The following CCNY variants were observed in gnomAD, a reference collection of about 807,000 sequenced individuals.
CCNY encodes the protein cyclin Y, also known as cyclin-Y.
Under a neutral mutation model 42.8 loss-of-function variants are expected in CCNY, and 19 were observed. The observed-to-expected ratio is 0.44, with a 90% CI of 0.31 to 0.65. CCNY has a LOEUF of 0.65. Among genes scored for constraint, CCNY ranks in the 30% least tolerant of loss-of-function variants. The pLI is 0.07. For synonymous variants in CCNY, 165 were observed against 162.7 expected (o/e 1.01, Z -0.11); for missense variants, 370 against 437.3 (o/e 0.85, Z 1.37).
chr10:35,403,902 G>A (rs1043765187), intron 1 of CCNY, among the ~76,000 whole-genome samples: 3 of 152,258 alleles, frequency 2.0e-5, no homozygotes, highest in African/African-American at 7.2e-5. Context: ...TGTGATCAGG[G>A]TGAGGAACAG....
At chr10:35,424,643 G>A (rs1838228012) in intron 1 of CCNY, among the ~76,000 whole-genome samples, 1 of 152,232 alleles carries the variant, frequency 6.6e-6, no homozygotes, top group African/African-American at 2.4e-5. Flanking sequence ...AGGGAGGCAT[G>A]TCTGATACTA....
intron 2 of CCNY, among the ~76,000 whole-genome samples, chr10:35,486,440 C>G (rs572544386): frequency 6.6e-6 from 1 of 152,180 alleles, no homozygotes; most frequent in African/African-American, 2.4e-5. Context: ...CCACTATTTC[C>G]TATTGCAGTT....
intron 3 of CCNY, among the ~76,000 whole-genome samples, chr10:35,308,018 T>C (rs1253815437): frequency 1.3e-5 from 2 of 151,688 alleles, no homozygotes; most frequent in Non-Finnish European, 2.9e-5. Flanking sequence ...GGTTTCACGA[T>C]GTTGGGCAGG....
At chr10:35,347,142 G>A (rs1836323880) in intron 1 of CCNY, among the ~76,000 whole-genome samples, 1 of 152,252 alleles carries the variant, frequency 6.6e-6, no homozygotes. Context: ...TTGGGGATGT[G>A]TAGTGGGGCT....
At chr10:35,377,890 G>A (rs570580620) in intron 1 of CCNY, among the ~76,000 whole-genome samples, 1 of 152,298 alleles carries the variant, frequency 6.6e-6, no homozygotes, top group East Asian at 1.9e-4. Flanking sequence ...AACATCATAT[G>A]TGCTTCTGTG....
intron 1 of CCNY, among the ~76,000 whole-genome samples, chr10:35,402,856 A>G (rs374796606): frequency 1.3e-5 from 2 of 152,186 alleles, no homozygotes; most frequent in East Asian, 3.9e-4. Context: ...AGCCTGAGAA[A>G]CTGCTTGGGT....
intron 1 of CCNY, among the ~76,000 whole-genome samples, chr10:35,418,569 A>G (rs1838077233): frequency 6.6e-6 from 1 of 152,170 alleles, no homozygotes; most frequent in Non-Finnish European, 1.5e-5. Context: ...GTGGTGCCCC[A>G]TAACAATGAT....
intron 7 of CCNY, among the ~76,000 whole-genome samples, chr10:35,546,853 A>C (rs1214945578): frequency 6.6e-6 from 1 of 152,230 alleles, no homozygotes; most frequent in African/African-American, 2.4e-5. Context: ...AAGAAAACAT[A>C]GTCAGCTTTT....
At chr10:35,321,765 T>C (rs1363937419) in intron 3 of CCNY, among the ~76,000 whole-genome samples, 2 of 152,164 alleles carry the variant, frequency 1.3e-5, no homozygotes, top group Non-Finnish European at 2.9e-5. Flanking sequence ...AAAAAATTTT[T>C]GAAAAAGAAC....
rs775924217 is a variant in CCNY, at chr10:35,530,065, A to G, written c.459+35A>G. On this transcript the variant is annotated intron_variant, in intron 6 of 9. Coordinates refer to ENST00000374704, the MANE Select transcript of CCNY (RefSeq NM_145012.6). The surrounding 1 kb of genome is among the most constrained non-coding windows in gnomAD (Gnocchi z 4.3). The stretch of plus-strand genomic sequence containing the variant: ...TCCGTGTGTTTCATGAGATGATTTA[A>G]TTATTTCTCTTTTGCTCCAATCGGG... 2 of 1,613,968 alleles carry G rather than the reference A, an allele frequency of 1.2e-6. No individual in the cohort carries two copies. The highest frequency in any genetic ancestry group is 1.7e-6 in the Non-Finnish European group (2 of 1,179,968).
intron 1 of CCNY, among the ~76,000 whole-genome samples, chr10:35,418,236 G>A (rs1838069132): frequency 1.3e-5 from 2 of 152,152 alleles, no homozygotes; most frequent in Non-Finnish European, 2.9e-5. Context: ...GACCTGGATG[G>A]AGAGTTTAGT....
At position 35,511,763 on chromosome 10, in the gene CCNY, A is replaced by G. The variant is rs576456057; in HGVS notation, c.265-4760A>G. Among the ~76,000 whole-genome samples the G allele has an allele frequency of 6.8e-4, 103 of 152,352 alleles. 1 individual carries two copies. The South Asian group carries it at 8.1e-3, about 12-fold the overall frequency. On this transcript the variant is annotated intron_variant, in intron 3 of 9. Coordinates refer to ENST00000374704, the MANE Select transcript of CCNY (RefSeq NM_145012.6). ...CACTGTGGGTTCATCTTTGATGGCC[A>G]TTAAATAAAAGTGGCCGTTGTTCCT...
At chr10:35,444,249 CTTTTT>C (rs1323493317) in intron 1 of CCNY, among the ~76,000 whole-genome samples, 1 of 136,580 alleles carries the variant, frequency 7.3e-6, no homozygotes. Context: ...TGTTTTTTGG[CTTTTT>C]TTTTTTTTTT....
At chr10:35,275,649 G>C (rs1158485717) in intron 3 of CCNY, among the ~76,000 whole-genome samples, 2 of 151,966 alleles carry the variant, frequency 1.3e-5, no homozygotes, top group African/African-American at 4.8e-5. Context: ...TATAATCCCA[G>C]CTACTTGGGA....
chr10:35,345,883 CAG>C (rs1049964553), intron 1 of CCNY, among the ~76,000 whole-genome samples: 2 of 152,182 alleles, frequency 1.3e-5, no homozygotes, highest in African/African-American at 4.8e-5. Flanking sequence ...TTTCTGAAGT[CAG>C]TGTGATGCCA....
At chr10:35,290,263 C>CACACACAA (rs1167708883) in intron 3 of CCNY, among the ~76,000 whole-genome samples, 4 of 148,556 alleles carry the variant, frequency 2.7e-5, no homozygotes, top group Non-Finnish European at 6.0e-5. Context: ...CACACACACA[C>CACACACAA]AAAATTAGCT....
intron 1 of CCNY, among the ~76,000 whole-genome samples, chr10:35,340,143 A>C (rs1399807695): frequency 1.3e-5 from 2 of 152,212 alleles, no homozygotes; most frequent in Admixed American, 6.5e-5. Flanking sequence ...CAAAGAAATG[A>C]GTCACTGAGA....
intron 1 of CCNY, among the ~76,000 whole-genome samples, chr10:35,436,750 A>G (rs1211133867): frequency 2.6e-5 from 4 of 152,232 alleles, no homozygotes; most frequent in African/African-American, 7.2e-5. Flanking sequence ...GAAATCTTCA[A>G]AAATCTTAAA....
At chr10:35,473,293 G>A (rs1056145582) in intron 1 of CCNY, among the ~76,000 whole-genome samples, 5 of 152,190 alleles carry the variant, frequency 3.3e-5, no homozygotes, top group South Asian at 2.1e-4. Context: ...GTGTGGTGTC[G>A]TCTTTTCTCA....
Sources: gnomAD v4.1 joint callset for allele counts (sites outside exome capture counted in the v4.1 genomes callset) on GRCh38, gnomAD v4.1.1 for gene constraint, Gnocchi (gnomAD v3.1) non-coding constraint, MANE v1.5 for transcripts, NCBI Gene and HGNC (gene_info 2026-07-23, HGNC 2026-07-21) for gene names.